Variants in CEP89 observed in about 807,000 individuals in gnomAD.
CEP89 encodes centrosomal protein 89.
Under a neutral mutation model 97.6 loss-of-function variants are expected in CEP89, and 95 were observed. The ratio of observed to expected loss-of-function variants is 0.97; its 90% CI spans 0.82 to 1.15. The LOEUF (loss-of-function observed/expected upper bound fraction) is 1.15, where lower values mean the gene tolerates loss of function less well. Ranked by LOEUF, CEP89 falls within the 50% of genes most tolerant of loss-of-function variation. The pLI is 0.00. For missense variants in CEP89, 869 were observed against 947.7 expected (o/e 0.92, Z 1.09); for synonymous variants, 354 against 349.1 (o/e 1.01, Z -0.16).
rs145524995 is a variant in CEP89 at position 32,947,302 on chromosome 19, G to C, written c.595+964C>G. Among the ~76,000 whole-genome samples the C allele has an allele frequency of 4.5e-3, 686 of 152,200 alleles. 1 individual carries two copies. The highest frequency in any genetic ancestry group is 7.9e-3 in the Non-Finnish European group (540 of 68,016). ...TGTCCACGTACTCATTCACCCAACA[G>C]ATCTTTCCTAGTGGGCCACTGTGGG... On this transcript the variant is annotated intron_variant, in intron 5 of 18. Coordinates refer to ENST00000305768, the MANE Select transcript of CEP89 (RefSeq NM_032816.5).
chr19:32,915,337 C>A lies in CEP89; in HGVS notation c.1565G>T (p.Ser522Ile). ...VHKSIVNELK[S>I]QLQKEEEKER... ...AAAAGAAAAAACATTAAATCCTTAC[C>A]TTTTTAATTCATTCACAATTGATTT... The change falls in exon 14 of 19, where the codon AGC (serine) becomes ATC (isoleucine). Residue 522 changes from serine (S) to isoleucine (I), a missense_variant and splice_region_variant. Transcript: ENST00000305768. 2 of 1,578,076 alleles carry A rather than the reference C, an allele frequency of 1.3e-6. No individual in the cohort carries two copies. Among genetic ancestry groups the A allele is most frequent in the Non-Finnish European group, 8.6e-7 (1 of 1,165,426 alleles).
intron 8 of CEP89, among the ~76,000 whole-genome samples, chr19:32,931,998 G>C (rs893236146): frequency 4.6e-5 from 7 of 152,036 alleles, no homozygotes; most frequent in Non-Finnish European, 8.8e-5. Flanking sequence ...TGGCTAACAC[G>C]GTGAAACCCC....
chr19:32,951,883 T>C (rs1338048381), intron 4 of CEP89, among the ~76,000 whole-genome samples: 1 of 151,944 alleles, frequency 6.6e-6, no homozygotes, highest in Non-Finnish European at 1.5e-5. Flanking sequence ...CCAAGGGAAA[T>C]ATTGTAGTAA....
chr19:32,894,648 G>C (rs1969602034), intron 16 of CEP89, among the ~76,000 whole-genome samples: 1 of 152,202 alleles, frequency 6.6e-6, no homozygotes, highest in African/African-American at 2.4e-5. Context: ...AATTATACAT[G>C]TGATACATGT....
intron 18 of CEP89, among the ~76,000 whole-genome samples, chr19:32,881,399 A>G (rs1346016252): frequency 6.6e-6 from 1 of 152,048 alleles, no homozygotes; most frequent in Non-Finnish European, 1.5e-5. Context: ...AAACTGGCTC[A>G]TGCCTATAAT....
intron 5 of CEP89, among the ~76,000 whole-genome samples, chr19:32,947,907 C>T (rs1014633167): frequency 6.6e-6 from 1 of 152,168 alleles, no homozygotes; most frequent in African/African-American, 2.4e-5. Context: ...CTCAAGTGAT[C>T]CTCCCACCTC....
In CEP89 at chr19:32,953,770, ATCT is replaced by A. The variant is rs1485408493; in HGVS notation, c.334_336del (p.Arg112del). ...AGTGTTTCAAAGGATGGCAAAGAAG[ATCT>A]TCTTCCCATCTCACTCTGCCAATTT... is the stretch of plus-strand genomic sequence containing the variant. On this transcript the variant is annotated inframe_deletion, in exon 4 of 19. Transcript: ENST00000305768. 7.4e-6 allele frequency: 12 copies of A among 1,613,856 alleles called. No individual in the cohort carries two copies. In the African/African-American group the frequency reaches 9.3e-5, roughly 13 times the overall value.
chr19:32,962,501 A>G (rs950684075), intron 2 of CEP89, among the ~76,000 whole-genome samples: 5 of 152,230 alleles, frequency 3.3e-5, no homozygotes, highest in African/African-American at 4.8e-5. Context: ...GTAAAGCCGA[A>G]AACCATAACA....
intron 16 of CEP89, among the ~76,000 whole-genome samples, chr19:32,894,924 TTA>T (rs1969608637): frequency 6.6e-6 from 1 of 152,158 alleles, no homozygotes; most frequent in African/African-American, 2.4e-5. Flanking sequence ...CAAGATTGAA[TTA>T]GGAAGAAATA....
intron 7 of CEP89, among the ~76,000 whole-genome samples, chr19:32,935,879 G>T (rs1368941472): frequency 3.3e-5 from 5 of 152,178 alleles, no homozygotes; most frequent in Non-Finnish European, 7.4e-5. Flanking sequence ...AGGCTCCGAA[G>T]TGCCTGATCC....
Position 32,926,270 on chromosome 19 carries a change from C to A in CEP89, c.1084G>T (p.Asp362Tyr). ...SKGPIPPWLL[D>Y]IKYLSPLLLA... ...AACAATGGTGACAGGTACTTTATAT[C>A]CAACTGAAGATAGAGAGTAAAGGAA... The change falls in exon 11 of 19, where the codon GAT becomes TAT. Residue 362 changes from aspartate (D) to tyrosine (Y), a missense_variant. Physicochemically the swap from Asp to Tyr is radical, Grantham distance 160 (BLOSUM62 -3). Transcript: ENST00000305768. 1 of 1,607,570 alleles carries A rather than the reference C, an allele frequency of 6.2e-7. No homozygotes were observed. Among genetic ancestry groups the A allele is most frequent in the Non-Finnish European group, 8.5e-7 (1 of 1,174,338 alleles).
rs1322898440 is a variant in CEP89, at chr19:32,915,353, C to T, written c.1549G>A (p.Val517Met). The stretch of plus-strand genomic sequence containing the variant: ...AATCCTTACCTTTTTAATTCATTCA[C>T]AATTGATTTATGAACTTCCACTGCG... ...KIAVEVHKSI[V>M]NELKSQLQKE... Residue 517 changes from valine (V) to methionine (M), a missense_variant, in exon 14 of 19, where the codon GTG (valine) becomes ATG (methionine). Val to Met is a conservative substitution (Grantham distance 21). Transcript: ENST00000305768. 1.3e-6 allele frequency: 2 copies of T among 1,594,708 alleles called. No homozygotes were observed. The highest frequency in any genetic ancestry group is 3.6e-5 in the Admixed American group (2 of 55,242).
intron 14 of CEP89, among the ~76,000 whole-genome samples, chr19:32,913,875 C>G (rs1970065750): frequency 6.6e-6 from 1 of 152,000 alleles, no homozygotes; most frequent in Non-Finnish European, 1.5e-5. Flanking sequence ...CCCTCCTCAG[C>G]TGAACCACCC....
At chr19:32,952,306 C>T (rs974309668) in intron 4 of CEP89, among the ~76,000 whole-genome samples, 5 of 144,818 alleles carry the variant, frequency 3.5e-5, no homozygotes, top group African/African-American at 1.3e-4. Context: ...CATAACAAGA[C>T]CCTGGCCCTA....
intron 5 of CEP89, among the ~76,000 whole-genome samples, chr19:32,946,065 C>G (rs2145947985): frequency 6.6e-6 from 1 of 152,278 alleles, no homozygotes; most frequent in East Asian, 1.9e-4. Flanking sequence ...CTTCAGTATT[C>G]TCTTTACTCC....
intron 2 of CEP89, chr19:32,963,922 A>ACACT (rs1188435734): frequency 6.9e-5 from 10 of 145,618 alleles, no homozygotes; most frequent in Middle Eastern, 3.2e-3. Context: ...ACACACACGC[A>ACACT]CTCACACGCA....
chr19:32,928,128 C>T (rs1970401344), intron 9 of CEP89, among the ~76,000 whole-genome samples: 1 of 151,896 alleles, frequency 6.6e-6, no homozygotes, highest in South Asian at 2.1e-4. Context: ...ATTGGCCAGG[C>T]TGGTCTCGAA....
At chr19:32,967,993 T>C (rs533162739) in intron 1 of CEP89, among the ~76,000 whole-genome samples, 2 of 152,092 alleles carry the variant, frequency 1.3e-5, no homozygotes, top group African/African-American at 4.8e-5. Context: ...GACACAAGGC[T>C]GGGAAGGGTG....
chr19:32,892,141 GAC>G (rs1267830392), intron 16 of CEP89, among the ~76,000 whole-genome samples: 1 of 123,352 alleles, frequency 8.1e-6, no homozygotes, highest in African/African-American at 4.0e-5. Context: ...TATATATTTA[GAC>G]ATATATATAT....
Sources: allele counts gnomAD v4.1 joint callset (sites outside exome capture counted in the v4.1 genomes callset), GRCh38; gene constraint gnomAD v4.1.1; transcripts MANE v1.5; gene names NCBI Gene and HGNC (gene_info 2026-07-23, HGNC 2026-07-21).